Variants in AKAP6 observed in about 807,000 individuals in gnomAD.
AKAP6 encodes the protein A-kinase anchor protein 6.
A neutral mutation model predicts 188.5 loss-of-function variants in AKAP6; 58 were observed. That is an observed-to-expected ratio of 0.31 (90% CI 0.25 to 0.38). The LOEUF (loss-of-function observed/expected upper bound fraction) is 0.38, where lower values mean the gene tolerates loss of function less well. Ranked by LOEUF, AKAP6 falls within the 10% of genes least tolerant of loss-of-function variation. The probability of loss-of-function intolerance (pLI) is 1.00; values close to 1 mark genes in which losing one functional copy is unlikely to be tolerated. For synonymous variants in AKAP6, 989 were observed against 998.6 expected, an observed-to-expected ratio of 0.99 and a Z score of 0.18; for missense variants, 2,710 against 2,740.0, an observed-to-expected ratio of 0.99 and a Z score of 0.24.
At chr14:32,345,898 A>T (rs1352383391) in intron 1 of AKAP6, among the ~76,000 whole-genome samples, 1 of 152,244 alleles carries the variant, frequency 6.6e-6, no homozygotes, top group African/African-American at 2.4e-5. Context: ...CAGATGCTTG[A>T]AGCCAGAGGT....
rs149575988 is a variant in AKAP6 at position 32,361,354 on chromosome 14, A to G, written c.-35+31946A>G. ...GTTTGAGGAGGAGAGGGAATAGACT[A>G]TTGGTAGTGGGGTTCCAGGTAGGAT... On this transcript the variant is annotated intron_variant, in intron 1 of 13. Coordinates refer to ENST00000280979, the MANE Select transcript of AKAP6 (RefSeq NM_004274.5). Among the ~76,000 whole-genome samples the G allele has an allele frequency of 6.0e-4, 92 of 152,132 alleles. 1 individual carries two copies. The highest frequency in any genetic ancestry group is 2.0e-3 in the African/African-American group (85 of 41,522).
At chr14:32,436,140 A>G (rs1204124743) in intron 2 of AKAP6, among the ~76,000 whole-genome samples, 3 of 152,198 alleles carry the variant, frequency 2.0e-5, no homozygotes, top group African/African-American at 7.2e-5. Flanking sequence ...GTGATGGGGC[A>G]TCTTAACTTG....
At chr14:32,539,066 T>C (rs1296335164) in intron 3 of AKAP6, among the ~76,000 whole-genome samples, 2 of 152,154 alleles carry the variant, frequency 1.3e-5, no homozygotes, top group African/African-American at 4.8e-5. Flanking sequence ...GAATAACACA[T>C]GTTAGAAATG....
intron 1 of AKAP6, among the ~76,000 whole-genome samples, chr14:32,351,266 C>G (rs908535107): frequency 3.3e-5 from 5 of 152,036 alleles, no homozygotes; most frequent in African/African-American, 9.7e-5. Flanking sequence ...TTATATTAGT[C>G]AAAATTATTA....
rs558143880 is a variant in AKAP6 at position 32,392,446 on chromosome 14, C to T, written c.-34-41014C>T. Among the ~76,000 whole-genome samples, 20 of 152,226 alleles carry T rather than the reference C, an allele frequency of 1.3e-4. No individual in the cohort carries two copies. In the South Asian group the frequency reaches 2.9e-3, roughly 22 times the overall value. On this transcript the variant is annotated intron_variant, in intron 1 of 13. Coordinates refer to ENST00000280979, the MANE Select transcript of AKAP6 (RefSeq NM_004274.5). Reference sequence around the variant, plus strand: ...ACACACAAATATAAAGAAATAGATACAAATGCTTGTGTATGCATGGCTTTA... The same window carrying T: ...ACACACAAATATAAAGAAATAGATATAAATGCTTGTGTATGCATGGCTTTA...
intron 1 of AKAP6, among the ~76,000 whole-genome samples, chr14:32,373,115 G>A (rs1434485140): frequency 3.3e-5 from 5 of 151,886 alleles, no homozygotes; most frequent in African/African-American, 1.2e-4. Flanking sequence ...TGGGGTATAA[G>A]TGTAACTGCC....
At chr14:32,346,935 C>T (rs9285569) in intron 1 of AKAP6, among the ~76,000 whole-genome samples, 44,868 of 152,028 alleles carry the variant, frequency 0.3, 6,960 homozygotes, top group East Asian at 0.4. Context: ...TGATACCAAG[C>T]TGTAATGAAT....
At chr14:32,778,220 T>C (rs946485240) in intron 12 of AKAP6, among the ~76,000 whole-genome samples, 2 of 152,130 alleles carry the variant, frequency 1.3e-5, no homozygotes, top group Admixed American at 6.5e-5. Flanking sequence ...GAAAATTATA[T>C]CAGATGGAAA....
chr14:32,808,535 T>C (rs76006707), intron 12 of AKAP6, among the ~76,000 whole-genome samples: 1,814 of 152,350 alleles, frequency 0.012, 36 homozygotes, highest in African/African-American at 0.041. Context: ...ACATTAAAAT[T>C]GTTTTAACTC....
intron 9 of AKAP6, among the ~76,000 whole-genome samples, chr14:32,715,127 G>A (rs998682364): frequency 6.6e-6 from 1 of 151,872 alleles, no homozygotes; most frequent in African/African-American, 2.4e-5. Context: ...GTACTAATTG[G>A]CGTCAAATTC....
In AKAP6 at chr14:32,542,007, C is replaced by T. The variant is rs112927148; in HGVS notation, c.577-3223C>T. Among the ~76,000 whole-genome samples the T allele has an allele frequency of 1.5e-3, 226 of 152,220 alleles. 1 individual carries two copies. Among genetic ancestry groups the T allele is most frequent in the African/African-American group, 5.0e-3 (208 of 41,540 alleles). On this transcript the variant is annotated intron_variant, in intron 3 of 13. Coordinates refer to ENST00000280979, the MANE Select transcript of AKAP6 (RefSeq NM_004274.5). ...TATACTTCATTATTAAAAATAATAACGTAATAAGAGTGAACATTCATTGAG... is the reference window on the plus strand; with the variant it reads ...TATACTTCATTATTAAAAATAATAATGTAATAAGAGTGAACATTCATTGAG...
chr14:32,547,539 A>C (rs182478588), intron 4 of AKAP6, among the ~76,000 whole-genome samples: 1 of 152,082 alleles, frequency 6.6e-6, no homozygotes, highest in African/African-American at 2.4e-5. Flanking sequence ...TTACCTATAC[A>C]TGTACCACCC....
At chr14:32,692,237 C>A (rs528272556) in intron 8 of AKAP6, among the ~76,000 whole-genome samples, 1 of 152,028 alleles carries the variant, frequency 6.6e-6, no homozygotes, top group South Asian at 2.1e-4. Context: ...GACTTTTGTT[C>A]GAAGGCCCAT....
intron 12 of AKAP6, among the ~76,000 whole-genome samples, chr14:32,792,021 T>C (rs1332570019): frequency 6.6e-6 from 1 of 152,208 alleles, no homozygotes; most frequent in Non-Finnish European, 1.5e-5. Context: ...TTGGTTACTG[T>C]AGCCTTGTAG....
chr14:32,694,583 G>A (rs187272991), intron 8 of AKAP6, among the ~76,000 whole-genome samples: 27 of 152,152 alleles, frequency 1.8e-4, no homozygotes, highest in African/African-American at 6.3e-4. Context: ...ACCGTCATTG[G>A]CATCCAGTAA....
intron 1 of AKAP6, among the ~76,000 whole-genome samples, chr14:32,354,526 C>A (rs896159087): frequency 1.6e-4 from 24 of 152,162 alleles, no homozygotes; most frequent in Non-Finnish European, 2.4e-4. Flanking sequence ...ATGGTAATTT[C>A]TTTCTATGCA....
intron 11 of AKAP6, among the ~76,000 whole-genome samples, chr14:32,772,243 C>A (rs921089936): frequency 6.6e-6 from 1 of 152,010 alleles, no homozygotes; most frequent in African/African-American, 2.4e-5. Flanking sequence ...AGCACTGAAC[C>A]AATTAATAGC....
At chr14:32,663,705 A>G (rs1888800750) in intron 7 of AKAP6, among the ~76,000 whole-genome samples, 1 of 152,126 alleles carries the variant, frequency 6.6e-6, no homozygotes, top group Non-Finnish European at 1.5e-5. Flanking sequence ...CAAAGGCAAG[A>G]GCAGCTAGGG....
Position 32,686,557 on chromosome 14 carries a change from T to A in AKAP6, c.2879+8098T>A, listed in dbSNP as rs140740532. Among the ~76,000 whole-genome samples, 791 of 152,178 alleles carry A rather than the reference T, an allele frequency of 5.2e-3. 7 individuals are homozygous for A. Among genetic ancestry groups the A allele is most frequent in the African/African-American group, 0.016 (664 of 41,498 alleles). ...GTACCATAATATCTCATGTACTCCA[T>A]AAATATATATACGTACTATGTACCC... On this transcript the variant is annotated intron_variant, in intron 8 of 13. Transcript: ENST00000280979.
Sources: gnomAD v4.1 joint callset for allele counts (sites outside exome capture counted in the v4.1 genomes callset) on GRCh38, gnomAD v4.1.1 for gene constraint, MANE v1.5 for transcripts, NCBI Gene and HGNC (gene_info 2026-07-23, HGNC 2026-07-21) for gene names.